WDR41: variants seen among roughly 807,000 people sequenced by gnomAD.
WDR41 encodes WD repeat domain 41, also known as WD repeat-containing protein 41.
A neutral mutation model predicts 69.3 loss-of-function variants in WDR41; 63 were observed. That is an observed-to-expected ratio of 0.91 (90% confidence interval 0.74 to 1.12). WDR41 has a LOEUF of 1.12. Ranked by LOEUF, WDR41 falls within the 50% of genes most tolerant of loss-of-function variation. The probability of loss-of-function intolerance (pLI) is 0.00; values close to 1 mark genes in which losing one functional copy is unlikely to be tolerated. For missense variants in WDR41, 543 were observed against 534.5 expected (o/e 1.02, Z -0.16); for synonymous variants, 185 against 192.1 (o/e 0.96, Z 0.31).
chr5:77,506,444 G>A (rs545619393), intron 1 of WDR41, among the ~76,000 whole-genome samples: 1 of 152,314 alleles, frequency 6.6e-6, no homozygotes, highest in African/African-American at 2.4e-5. Flanking sequence ...TGGTGGGAGT[G>A]TAAATTAGTT....
intron 1 of WDR41, among the ~76,000 whole-genome samples, chr5:77,603,240 TC>T (rs1349193623): frequency 6.6e-6 from 1 of 152,148 alleles, no homozygotes; most frequent in African/African-American, 2.4e-5. Context: ...CCAGCCCTTG[TC>T]TTTTTAATAA....
In WDR41 at chr5:77,477,561, C is replaced by G. The variant is rs2112035150; in HGVS notation, c.167+11896G>C. 2.3e-5 allele frequency among the ~76,000 whole-genome samples: 2 copies of G among 87,312 alleles called. 1 individual carries two copies. Among genetic ancestry groups the G allele is most frequent in the South Asian group, 8.0e-4 (2 of 2,502 alleles). 57.3% of individuals were successfully genotyped at this position (87,312 alleles called of 152,430 possible). A position where few individuals can be genotyped will look rare whatever the true frequency, so the allele number is the denominator to read the frequency against. ...AACTACATGGAAACTGAACAACCTG[C>G]TCCTGAATGACTACTGGGTACATAA... On this transcript the variant is annotated intron_variant, in intron 2 of 12. Transcript: ENST00000296679.
chr5:77,453,682 G>T, intron 6 of WDR41, 135 bp downstream of exon 6: 1 of 654,256 alleles, frequency 1.5e-6, no homozygotes. Context: ...ATTGAATATG[G>T]CTACCTGTTA....
intron 1 of WDR41, chr5:77,545,765 C>G (rs1196545062): frequency 8.8e-6 from 7 of 792,566 alleles, no homozygotes; most frequent in Non-Finnish European, 1.3e-5. Flanking sequence ...GCCTTGACTA[C>G]ATTGGGGACT....
At chr5:77,618,019 A>T (rs1744708738) in intron 1 of WDR41, among the ~76,000 whole-genome samples, 1 of 152,212 alleles carries the variant, frequency 6.6e-6, no homozygotes, top group Non-Finnish European at 1.5e-5. Context: ...CTTGTAAATG[A>T]GAATAAGAGA....
At chr5:77,460,668 A>G (rs1370584145) in intron 4 of WDR41, among the ~76,000 whole-genome samples, 1 of 149,492 alleles carries the variant, frequency 6.7e-6, no homozygotes, top group African/African-American at 2.4e-5. Flanking sequence ...ACCCAAGTCT[A>G]AACACAAAAT....
intron 3 of WDR41, among the ~76,000 whole-genome samples, chr5:77,464,108 C>T (rs183812441): frequency 1.1e-4 from 17 of 151,888 alleles, no homozygotes; most frequent in African/African-American, 2.9e-4. Context: ...TATGCTATTA[C>T]GCAATGTTGA....
chr5:77,458,826 T>C, intron 5 of WDR41: 1 of 338,118 alleles, frequency 3.0e-6, no homozygotes, highest in Non-Finnish European at 5.4e-6. Context: ...AGGTACTACC[T>C]TTTTTCCTTA....
intron 5 of WDR41, among the ~76,000 whole-genome samples, chr5:77,456,909 G>T (rs913788839): frequency 3.3e-5 from 5 of 151,730 alleles, no homozygotes; most frequent in Admixed American, 2.0e-4. Flanking sequence ...TCACCATGTT[G>T]CTCAGGCTGG....
chr5:77,541,433 AT>A (rs1743086739), intron 1 of WDR41, among the ~76,000 whole-genome samples: 1 of 151,664 alleles, frequency 6.6e-6, no homozygotes, highest in African/African-American at 2.4e-5. Flanking sequence ...AATGGCTATT[AT>A]TAAAAAGTCA....
chr5:77,611,490 G>A (rs1371727268), intron 1 of WDR41, among the ~76,000 whole-genome samples: 42 of 152,208 alleles, frequency 2.8e-4, no homozygotes, highest in African/African-American at 9.1e-4. Flanking sequence ...CTAGAACTCA[G>A]GATTAAGAAA....
chr5:77,458,844 A>G (rs1489470163), intron 5 of WDR41: 1 of 375,842 alleles, frequency 2.7e-6, no homozygotes, highest in African/African-American at 2.1e-5. Flanking sequence ...TTATCTTGCT[A>G]TTGGGATTAT....
chr5:77,466,072 T>C (rs556382322), intron 2 of WDR41, among the ~76,000 whole-genome samples: 1 of 152,098 alleles, frequency 6.6e-6, no homozygotes, highest in South Asian at 2.1e-4. Flanking sequence ...AAATACAGTC[T>C]GACAGTCTTT....
At chr5:77,552,010 T>C (rs187550926) in intron 1 of WDR41, among the ~76,000 whole-genome samples, 98 of 87,512 alleles carry the variant, frequency 1.1e-3, no homozygotes, top group Non-Finnish European at 1.5e-3. Flanking sequence ...TAAAATAAAA[T>C]AAAATAAAAT....
At chr5:77,608,965 T>A (rs1465736923) in intron 1 of WDR41, among the ~76,000 whole-genome samples, 5 of 152,180 alleles carry the variant, frequency 3.3e-5, no homozygotes, top group Non-Finnish European at 1.5e-5. Flanking sequence ...ACTGCGCTTT[T>A]CCGACGGGCT....
At chr5:77,501,440 C>T (rs746437407) in intron 1 of WDR41, among the ~76,000 whole-genome samples, 7 of 152,244 alleles carry the variant, frequency 4.6e-5, no homozygotes, top group East Asian at 1.9e-4. Flanking sequence ...TCCACCTCTG[C>T]GGGCAGGGCA....
chr5:77,467,623 A>G (rs1476409661), intron 2 of WDR41, among the ~76,000 whole-genome samples: 1 of 152,046 alleles, frequency 6.6e-6, no homozygotes, highest in African/African-American at 2.4e-5. Context: ...ATTGATCTTT[A>G]TCTTTATAAC....
At chr5:77,568,446 AC>A (rs1169998791) in intron 1 of WDR41, among the ~76,000 whole-genome samples, 3 of 152,066 alleles carry the variant, frequency 2.0e-5, no homozygotes, top group Admixed American at 6.6e-5. Flanking sequence ...GAGATTATGA[AC>A]CTGTATGAGA....
At chr5:77,508,080 T>G (rs1411008239) in intron 1 of WDR41, among the ~76,000 whole-genome samples, 1 of 152,150 alleles carries the variant, frequency 6.6e-6, no homozygotes, top group East Asian at 1.9e-4. Flanking sequence ...GACTTCAAAT[T>G]TCCATTAGTT....
Sources: allele counts gnomAD v4.1 joint callset (sites outside exome capture counted in the v4.1 genomes callset), GRCh38; gene constraint gnomAD v4.1.1; transcripts MANE v1.5; gene names NCBI Gene and HGNC (gene_info 2026-07-23, HGNC 2026-07-21).